Variants in USP28 observed in about 807,000 individuals in gnomAD.
USP28 encodes the protein ubiquitin specific peptidase 28.
Under a neutral mutation model 145.0 loss-of-function variants are expected in USP28, and 113 were observed. That is an observed-to-expected ratio of 0.78 (90% CI 0.67 to 0.91). The LOEUF is 0.91. Ranked by LOEUF, USP28 falls within the 40% of genes least tolerant of loss-of-function variation. The pLI is 0.00. For synonymous variants in USP28, 447 were observed against 450.9 expected, an observed-to-expected ratio of 0.99 and a Z score of 0.11; for missense variants, 1,201 against 1,289.6, an observed-to-expected ratio of 0.93 and a Z score of 1.05.
At chr11:113,855,782 G>A (rs540728727) in intron 1 of USP28, among the ~76,000 whole-genome samples, 13 of 152,134 alleles carry the variant, frequency 8.5e-5, no homozygotes, top group Non-Finnish European at 1.6e-4. Flanking sequence ...GTGGTGGCAC[G>A]TGCCTGTAAT....
chr11:113,854,155 T>C, intron 2 of USP28, 103 bp downstream of exon 2: 4 of 1,036,104 alleles, frequency 3.9e-6, no homozygotes, highest in Non-Finnish European at 5.7e-6. Flanking sequence ...CTTCTGTCCC[T>C]ATATGTGCTT....
intron 1 of USP28, among the ~76,000 whole-genome samples, chr11:113,861,278 T>C (rs1052617914): frequency 2.0e-5 from 3 of 152,204 alleles, no homozygotes; most frequent in African/African-American, 7.2e-5. Context: ...ATTCATGGAA[T>C]AGAAACCTAA....
In USP28 at chr11:113,854,350, C is replaced by A; in HGVS notation, c.58-15G>T. 6.2e-7 allele frequency: 1 copy of A among 1,605,862 alleles called. No individual in the cohort carries two copies. Among genetic ancestry groups the A allele is most frequent in the Admixed American group, 1.7e-5 (1 of 58,672 alleles). ...ATTTGGCAGCTCTATATTTGCAAAA[C>A]AAAAAAACCACAAACATGTCAGTCA... On this transcript the variant is annotated splice_polypyrimidine_tract_variant and intron_variant, in intron 1 of 24. Transcript: ENST00000003302.
intron 5 of USP28, among the ~76,000 whole-genome samples, chr11:113,836,503 G>T (rs918971435): frequency 6.6e-6 from 1 of 152,088 alleles, no homozygotes; most frequent in East Asian, 1.9e-4. Flanking sequence ...TGAAGCTCCC[G>T]ATTCACTGAA....
At chr11:113,859,125 C>T (rs1312178018) in intron 1 of USP28, among the ~76,000 whole-genome samples, 1 of 152,152 alleles carries the variant, frequency 6.6e-6, no homozygotes, top group Non-Finnish European at 1.5e-5. Context: ...GATCCTCCCA[C>T]CACAGCCTTC....
intron 14 of USP28, among the ~76,000 whole-genome samples, 156 bp from the exon 15 acceptor site, chr11:113,814,111 A>G (rs1941376305): frequency 6.6e-6 from 1 of 152,262 alleles, no homozygotes; most frequent in Non-Finnish European, 1.5e-5. Flanking sequence ...AGCAGCTAGT[A>G]CTTTAGGTTA....
At position 113,827,394 on chromosome 11, in the gene USP28, AAATT is replaced by A. The variant is rs1482999711; in HGVS notation, c.1060-38_1060-35del. 4 of 1,547,518 alleles carry A rather than the reference AAATT, an allele frequency of 2.6e-6. No homozygotes were observed. In the African/African-American group the frequency reaches 5.6e-5, roughly 22 times the overall value. The stretch of plus-strand genomic sequence containing the variant: ...AAGAGTAGAAATGTGAGAGAAAGAA[AAATT>A]AATTTTAGGAAATTACAATAACCAG... On this transcript the variant is annotated intron_variant, in intron 10 of 24. Coordinates refer to ENST00000003302, the Ensembl canonical transcript of USP28.
intron 1 of USP28, among the ~76,000 whole-genome samples, chr11:113,858,403 C>G (rs921499324): frequency 6.6e-6 from 1 of 152,114 alleles, no homozygotes; most frequent in Admixed American, 6.6e-5. Context: ...GTAATACCAC[C>G]TACATTATTA....
intron 18 of USP28, chr11:113,808,112 G>A: frequency 2.7e-6 from 4 of 1,494,860 alleles, no homozygotes; most frequent in Non-Finnish European, 3.5e-6. Context: ...TGGGGCATGG[G>A]CTTCTTGGGT....
At chr11:113,803,316 C>G in intron 22 of USP28, 35 bp from the exon 24 acceptor site, 1 of 1,576,204 alleles carries the variant, frequency 6.3e-7, no homozygotes, top group African/African-American at 1.4e-5. Flanking sequence ...CAGCTGAGTG[C>G]TCTTTTACTA....
At chr11:113,845,116 CAAA>C (rs554416453) in intron 3 of USP28, among the ~76,000 whole-genome samples, 2 of 71,008 alleles carry the variant, frequency 2.8e-5, no homozygotes, top group Non-Finnish European at 2.9e-5. Flanking sequence ...AGACCCTTCT[CAAA>C]AAAAAAAAAA....
At chr11:113,824,379 G>A (rs1005814381) in intron 11 of USP28, among the ~76,000 whole-genome samples, 8 of 151,920 alleles carry the variant, frequency 5.3e-5, no homozygotes, top group Admixed American at 2.0e-4. Flanking sequence ...GTGCAACGGC[G>A]CAATCTCGGC....
At chr11:113,829,310 A>T in exon 10 of USP28, 1 of 1,614,224 alleles carries the variant, frequency 6.2e-7, no homozygotes, top group Non-Finnish European at 8.5e-7. Context: ...TGAAGAGGAT[A>T]CTGGCCGAAG....
intron 4 of USP28, 100 bp from the exon 5 acceptor site, chr11:113,840,857 C>A: frequency 7.2e-7 from 1 of 1,387,850 alleles, no homozygotes; most frequent in South Asian, 1.6e-5. Context: ...TTCAAAACAC[C>A]AGAAAAAGTA....
At chr11:113,850,020 T>C (rs1485718900) in intron 3 of USP28, among the ~76,000 whole-genome samples, 2 of 152,198 alleles carry the variant, frequency 1.3e-5, no homozygotes, top group African/African-American at 4.8e-5. Flanking sequence ...CTTTTGTTAA[T>C]TAACCTAATG....
intron 1 of USP28, among the ~76,000 whole-genome samples, chr11:113,867,714 G>A (rs1469725555): frequency 6.7e-6 from 1 of 149,396 alleles, no homozygotes; most frequent in Non-Finnish European, 1.5e-5. Context: ...ACTCCAGCCT[G>A]AGCAACATAG....
chr11:113,808,480 T>C (rs1245670745), intron 17 of USP28, 43 bp from the exon 18 acceptor site: 1 of 1,606,616 alleles, frequency 6.2e-7, no homozygotes, highest in Non-Finnish European at 8.5e-7. Context: ...TAATGATAAA[T>C]AGTCTAGAAC....
intron 5 of USP28, among the ~76,000 whole-genome samples, chr11:113,836,695 T>C (rs1205251304): frequency 1.3e-5 from 2 of 152,182 alleles, no homozygotes; most frequent in East Asian, 1.9e-4. Flanking sequence ...TCACTCTTCA[T>C]GGATGACAGC....
intron 11 of USP28, among the ~76,000 whole-genome samples, chr11:113,826,934 A>C (rs2135838967): frequency 6.7e-6 from 1 of 150,356 alleles, no homozygotes; most frequent in Admixed American, 6.6e-5. Flanking sequence ...AAAAAAAAAA[A>C]CAAAAATTCT....
Sources: gnomAD v4.1 joint callset for allele counts (sites outside exome capture counted in the v4.1 genomes callset) on GRCh38, gnomAD v4.1.1 for gene constraint, MANE v1.5 for transcripts, NCBI Gene and HGNC (gene_info 2026-07-23, HGNC 2026-07-21) for gene names.